TBC1D12: variants seen among roughly 807,000 people sequenced by gnomAD.
TBC1D12 encodes TBC1 domain family member 12.
A neutral mutation model predicts 86.7 loss-of-function variants in TBC1D12; 56 were observed. The ratio of observed to expected loss-of-function variants is 0.65; its 90% CI spans 0.52 to 0.81. TBC1D12 has a LOEUF of 0.81. Ranked by LOEUF, TBC1D12 falls within the 30% of genes least tolerant of loss-of-function variation. The pLI is 0.00. For missense variants in TBC1D12, 1,023 were observed against 1,038.8 expected (o/e 0.98, Z 0.21); for synonymous variants, 421 against 411.7 (o/e 1.02, Z -0.27).
intron 3 of TBC1D12, among the ~76,000 whole-genome samples, chr10:94,475,916 C>T (rs1390369162): frequency 6.6e-6 from 1 of 151,834 alleles, no homozygotes; most frequent in East Asian, 1.9e-4. Flanking sequence ...CTAGGATTGT[C>T]TCTCTGTCCC....
intron 3 of TBC1D12, among the ~76,000 whole-genome samples, chr10:94,489,802 C>T (rs1359081794): frequency 6.6e-6 from 1 of 152,136 alleles, no homozygotes; most frequent in Non-Finnish European, 1.5e-5. Flanking sequence ...GTCTGTGGAG[C>T]AGTAAGACAC....
At chr10:94,531,952 C>G (rs1842445932) in intron 12 of TBC1D12, among the ~76,000 whole-genome samples, 1 of 150,616 alleles carries the variant, frequency 6.6e-6, no homozygotes, top group Non-Finnish European at 1.5e-5. Context: ...GTGATCTCGG[C>G]TCACTGCAAG....
At chr10:94,444,101 T>C (rs946140869) in intron 2 of TBC1D12, among the ~76,000 whole-genome samples, 1 of 149,142 alleles carries the variant, frequency 6.7e-6, no homozygotes, top group African/African-American at 2.5e-5. Flanking sequence ...ACCTGGAAGG[T>C]GGAGGTTGCA....
intron 2 of TBC1D12, among the ~76,000 whole-genome samples, chr10:94,445,170 C>A (rs1223629923): frequency 6.6e-6 from 1 of 150,984 alleles, no homozygotes; most frequent in Admixed American, 6.6e-5. Context: ...ACCATCCTGA[C>A]CAACATGGTG....
chr10:94,494,300 A>T (rs1015593833), intron 4 of TBC1D12, among the ~76,000 whole-genome samples: 4 of 152,148 alleles, frequency 2.6e-5, no homozygotes, highest in African/African-American at 9.7e-5. Context: ...TTAACATCTA[A>T]CACCTTATTA....
chr10:94,439,301 A>G (rs1266101470), intron 1 of TBC1D12, among the ~76,000 whole-genome samples: 2 of 152,278 alleles, frequency 1.3e-5, no homozygotes, highest in African/African-American at 4.8e-5. Context: ...AACCATGGTG[A>G]CAAAGATTTT....
intron 9 of TBC1D12, among the ~76,000 whole-genome samples, chr10:94,513,524 T>A (rs908460520): frequency 6.6e-6 from 1 of 152,092 alleles, no homozygotes; most frequent in Non-Finnish European, 1.5e-5. Flanking sequence ...ATATTTTACA[T>A]TTTTGCTTTT....
Position 94,510,076 on chromosome 10 carries a change from G to A in TBC1D12, c.1601-15G>A, listed in dbSNP as rs371675917. 3.1e-6 allele frequency: 5 copies of A among 1,594,610 alleles called. No individual in the cohort carries two copies. The highest frequency in any genetic ancestry group is 4.3e-6 in the Non-Finnish European group (5 of 1,168,564). On this transcript the variant is annotated splice_polypyrimidine_tract_variant and intron_variant, in intron 7 of 12. Transcript: ENST00000225235. ...CCAAGTGATCATTTAAATTGTATCT[G>A]CTTGGTAAATGCAGGTGTATCTGTT...
At chr10:94,457,227 G>A (rs1220677228) in intron 2 of TBC1D12, among the ~76,000 whole-genome samples, 9 of 152,066 alleles carry the variant, frequency 5.9e-5, no homozygotes, top group Non-Finnish European at 1.3e-4. Context: ...CATGCATTAG[G>A]TATTTGTCCT....
intron 1 of TBC1D12, among the ~76,000 whole-genome samples, chr10:94,416,581 A>G (rs981119585): frequency 6.6e-6 from 1 of 152,146 alleles, no homozygotes; most frequent in Non-Finnish European, 1.5e-5. Context: ...CATTCAGCAA[A>G]TTATTGTGAG....
At chr10:94,505,839 A>AT (rs1369801854) in intron 6 of TBC1D12, among the ~76,000 whole-genome samples, 3 of 152,168 alleles carry the variant, frequency 2.0e-5, no homozygotes, top group Non-Finnish European at 2.9e-5. Context: ...ACGTGGAACA[A>AT]CCTCTAATAT....
chr10:94,481,434 A>G (rs1046399266), intron 3 of TBC1D12, among the ~76,000 whole-genome samples: 2 of 151,456 alleles, frequency 1.3e-5, no homozygotes, highest in African/African-American at 4.8e-5. Context: ...CTTCCCCATC[A>G]GCACTTGCTG....
chr10:94,427,109 TGTTA>T (rs1375384832), intron 1 of TBC1D12, among the ~76,000 whole-genome samples: 1 of 152,196 alleles, frequency 6.6e-6, no homozygotes, highest in African/African-American at 2.4e-5. Flanking sequence ...ACAAAAACAC[TGTTA>T]GTTTCTGTTG....
intron 1 of TBC1D12, among the ~76,000 whole-genome samples, chr10:94,405,723 A>G (rs1030621332): frequency 6.6e-6 from 1 of 152,190 alleles, no homozygotes; most frequent in Non-Finnish European, 1.5e-5. Flanking sequence ...GATGATTTAG[A>G]AAACTGTCCC....
intron 1 of TBC1D12, among the ~76,000 whole-genome samples, chr10:94,421,377 T>C (rs1312869718): frequency 6.6e-6 from 1 of 152,244 alleles, no homozygotes; most frequent in South Asian, 2.1e-4. Flanking sequence ...TTAAAAATGC[T>C]GAATATATTC....
chr10:94,402,626 G>A lies in TBC1D12; in HGVS notation c.13G>A (p.Glu5Lys). The A allele has an allele frequency of 6.2e-7, 1 of 1,611,884 alleles. No individual in the cohort carries two copies. The highest frequency in any genetic ancestry group is 8.5e-7 in the Non-Finnish European group (1 of 1,179,640). MVGP[E>K]DAGACSGRNP... Reference sequence around the variant, plus strand: ...CACCCACCCCCAGATGGTGGGTCCGGAGGATGCCGGAGCCTGCTCGGGAAG... The same window carrying A: ...CACCCACCCCCAGATGGTGGGTCCGAAGGATGCCGGAGCCTGCTCGGGAAG... Residue 5 changes from glutamate to lysine, a missense_variant, in exon 1 of 13, where the codon GAG becomes AAG. This residue lies in a region of TBC1D12 where 628 missense variants were observed against 531.1 expected (regional missense o/e 1.18). Transcript: ENST00000225235.
rs552461834 is a variant in TBC1D12, at chr10:94,430,025, C to T, written c.972-11871C>T. Among the ~76,000 whole-genome samples, 15 of 152,128 alleles carry T rather than the reference C, an allele frequency of 9.9e-5. No individual in the cohort carries two copies. The South Asian group carries it at 2.3e-3, about 23-fold the overall frequency. On this transcript the variant is annotated intron_variant, in intron 1 of 12. Coordinates refer to ENST00000225235, the MANE Select transcript of TBC1D12 (RefSeq NM_015188.2). ...TGCTGGTATTACAGGTGTGAGTCAC[C>T]GCACCCAGCCGAAAAGTATTCTATC...
chr10:94,462,306 A>G (rs2055741316), intron 2 of TBC1D12, among the ~76,000 whole-genome samples: 1 of 152,178 alleles, frequency 6.6e-6, no homozygotes, highest in African/African-American at 2.4e-5. Flanking sequence ...TAGGTCATGT[A>G]AATATTACAT....
chr10:94,460,164 G>A (rs1244053685), intron 2 of TBC1D12, among the ~76,000 whole-genome samples: 2 of 152,150 alleles, frequency 1.3e-5, no homozygotes, highest in Non-Finnish European at 2.9e-5. Context: ...CCTGGGAGGC[G>A]GAAGTTGAGG....
Sources: allele counts gnomAD v4.1 joint callset (sites outside exome capture counted in the v4.1 genomes callset), GRCh38; gene constraint gnomAD v4.1.1; regional missense constraint gnomAD v4.1.1; transcripts MANE v1.5; gene names NCBI Gene and HGNC (gene_info 2026-07-23, HGNC 2026-07-21).